SHD: variants seen among roughly 807,000 people sequenced by gnomAD.
SHD encodes the protein SH2 domain-containing adapter protein D.
A neutral mutation model predicts 31.2 loss-of-function variants in SHD; 29 were observed. The ratio of observed to expected loss-of-function variants is 0.93; its 90% CI spans 0.69 to 1.27. The LOEUF (loss-of-function observed/expected upper bound fraction) is 1.27, where lower values mean the gene tolerates loss of function less well. Among genes scored for constraint, SHD ranks in the 50% most tolerant of loss-of-function variants. The pLI is 0.00. For synonymous variants in SHD, 208 were observed against 187.8 expected (o/e 1.11, Z -0.88); for missense variants, 520 against 453.8 (o/e 1.15, Z -1.33).
rs754703540 is a variant in SHD at position 4,280,165 on chromosome 19, CCG to C, written c.108_109del (p.Gln37GlufsTer10). On this transcript the variant is annotated frameshift_variant, in exon 1 of 6. Transcript: ENST00000543264. LOFTEE classifies it high-confidence loss of function. ...CCGAGAGCGACATCCTGAGGGCCTA[CCG>C]CGCGCAGAAGAACCTGGACTTCGAG... ...YTESDILRAY[R>X]AQKNLDFEDP... 3.1e-6 allele frequency: 5 copies of C among 1,613,934 alleles called. No individual in the cohort carries two copies. In the Admixed American group the frequency reaches 8.3e-5, roughly 27 times the overall value.
At chr19:4,286,036 C>T (rs1329447009) in intron 4 of SHD, among the ~76,000 whole-genome samples, 1 of 151,166 alleles carries the variant, frequency 6.6e-6, no homozygotes, top group Non-Finnish European at 1.5e-5. Flanking sequence ...GGAATACAGG[C>T]TCCTGGCACC....
At chr19:4,286,338 T>C (rs1377929242) in intron 4 of SHD, among the ~76,000 whole-genome samples, 10 of 143,642 alleles carry the variant, frequency 7.0e-5, no homozygotes, top group South Asian at 6.7e-4. Flanking sequence ...CTTCCTTCCT[T>C]TCTTTCTCTC....
intron 5 of SHD, among the ~76,000 whole-genome samples, chr19:4,290,024 C>T (rs963316646): frequency 6.6e-5 from 10 of 151,758 alleles, no homozygotes; most frequent in Admixed American, 4.6e-4. Flanking sequence ...CACAGGCACC[C>T]GCCACCACGC....
intron 4 of SHD, among the ~76,000 whole-genome samples, chr19:4,286,204 TTC>T (rs1472256925): frequency 2.7e-5 from 3 of 112,112 alleles, no homozygotes; most frequent in Admixed American, 1.1e-4. Flanking sequence ...CTCTTTCTTT[TTC>T]TTTCTTTCTT....
At chr19:4,286,392 G>C (rs1971319306) in intron 4 of SHD, among the ~76,000 whole-genome samples, 1 of 147,344 alleles carries the variant, frequency 6.8e-6, no homozygotes, top group African/African-American at 2.5e-5. Context: ...TGTTGCCCAG[G>C]CTGAAGTGCA....
Position 4,283,320 on chromosome 19 carries a change from G to A in SHD, c.592+78G>A, listed in dbSNP as rs575559501. The stretch of plus-strand genomic sequence containing the variant: ...TCATCTGGTCATGTCTCCTGTTTCA[G>A]TTTACAAAGTAGAGTCCAATTACTT... On this transcript the variant is annotated intron_variant, in intron 3 of 5. Coordinates refer to ENST00000543264, the MANE Select transcript of SHD (RefSeq NM_020209.4). 6.9e-4 allele frequency: 995 copies of A among 1,433,726 alleles called. 1 individual carries two copies. The Middle Eastern group carries it at 8.3e-3, about 12-fold the overall frequency. The allele number at this position is 1,433,726 out of a possible 1,614,324, so 88.8% of individuals were successfully genotyped here.
At position 4,284,825 on chromosome 19, in the gene SHD, A is replaced by G; in HGVS notation, c.637A>G (p.Lys213Glu). ...GTGGGAGAGGACTCCAGGCTCAGCC[A>G]AGGAGCTCCGGAGACCTCCGCCCAG... The part of the protein sequence containing the change: ...PEWERTPGSA[K>E]ELRRPPPRSP... The change falls in exon 4 of 6, where the codon AAG becomes GAG. Residue 213 changes from lysine to glutamate, a missense_variant. Transcript: ENST00000543264. 1.2e-6 allele frequency: 2 copies of G among 1,613,234 alleles called. No individual in the cohort carries two copies. Among genetic ancestry groups the G allele is most frequent in the African/African-American group, 1.3e-5 (1 of 74,996 alleles).
In SHD at chr19:4,290,534, C is replaced by T. The variant is rs765442822; in HGVS notation, c.924C>T (p.Ser308=). The T allele has an allele frequency of 1.2e-5, 19 of 1,613,540 alleles. No homozygotes were observed. The highest frequency in any genetic ancestry group is 6.7e-5 in the Admixed American group (4 of 59,972). The part of the protein sequence containing the change: ...VLGQHSGPFP[S]VPELVLHYSS... Reference sequence around the variant, plus strand: ...GCCAACACAGCGGGCCCTTCCCCAGCGTGCCCGAGCTCGTCCTCCACTACA... The same window carrying T: ...GCCAACACAGCGGGCCCTTCCCCAGTGTGCCCGAGCTCGTCCTCCACTACA... The change falls in exon 6 of 6, where the codon AGC becomes AGT. Residue 308 remains serine, a synonymous_variant. Transcript: ENST00000543264.
In SHD at chr19:4,280,347, GC is replaced by G; in HGVS notation, c.288del (p.Glu98ArgfsTer10). Reference sequence around the variant, plus strand: ...GCCAGAGCCAAGGCCCTTCTGGGCGGCCCCGGGGAGGAGGTGCGTGGCTGGG... The same window carrying G: ...GCCAGAGCCAAGGCCCTTCTGGGCGGCCCGGGGAGGAGGTGCGTGGCTGGG... ...DMARAKALLGGPGEELEADTE... is the reference protein window; with the variant it reads ...DMARAKALLGXPGEELEADTE... On this transcript the variant is annotated frameshift_variant, in exon 1 of 6. Coordinates refer to ENST00000543264, the MANE Select transcript of SHD (RefSeq NM_020209.4). LOFTEE classifies it high-confidence loss of function. The G allele has an allele frequency of 6.4e-7, 1 of 1,571,124 alleles. No homozygotes were observed. The highest frequency in any genetic ancestry group is 8.6e-7 in the Non-Finnish European group (1 of 1,157,996).
At chr19:4,281,843 TCTTA>T (rs1434395083) in intron 1 of SHD, among the ~76,000 whole-genome samples, 1 of 152,144 alleles carries the variant, frequency 6.6e-6, no homozygotes, top group Non-Finnish European at 1.5e-5. Context: ...AGACTCGGCC[TCTTA>T]CTTACCAGCT....
At chr19:4,288,388 A>C in intron 5 of SHD, 26 bp downstream of exon 5, 1 of 1,606,368 alleles carries the variant, frequency 6.2e-7, no homozygotes, top group African/African-American at 1.3e-5. Flanking sequence ...CACAGGGACG[A>C]AGGGTCACAG....
intron 5 of SHD, among the ~76,000 whole-genome samples, chr19:4,288,961 C>A (rs955613409): frequency 2.0e-5 from 3 of 151,938 alleles, no homozygotes; most frequent in Non-Finnish European, 4.4e-5. Flanking sequence ...CATGGTGAAA[C>A]CCCTTCTCTC....
chr19:4,288,062 C>T (rs150093752), intron 4 of SHD, 181 bp from the exon 5 acceptor site: 25 of 562,478 alleles, frequency 4.4e-5, no homozygotes, highest in Non-Finnish European at 6.0e-5. Context: ...CCACCACGCC[C>T]GGCTAATTTT....
In SHD at chr19:4,288,360, C is replaced by G. The variant is rs747692791; in HGVS notation, c.834C>G (p.Leu278=). The G allele has an allele frequency of 1.2e-6, 2 of 1,612,356 alleles. No individual in the cohort carries two copies. The highest frequency in any genetic ancestry group is 4.5e-5 in the East Asian group (2 of 44,804). ...ETNPQDCSLS[L]RSSQGFLHLK... The stretch of plus-strand genomic sequence containing the variant: ...ACCCCCAGGACTGCTCCTTGTCTCT[C>G]AGGTGAGAACTCAGCCTCACAGGGA... The change falls in exon 5 of 6, where the codon CTC becomes CTG. Residue 278 remains leucine (L), a splice_region_variant and synonymous_variant. Coordinates refer to ENST00000543264, the MANE Select transcript of SHD (RefSeq NM_020209.4).
chr19:4,286,317 TACC>T (rs1971317337), intron 4 of SHD, among the ~76,000 whole-genome samples: 1 of 130,714 alleles, frequency 7.7e-6, no homozygotes, highest in Non-Finnish European at 1.6e-5. Context: ...CCTTCCTTCC[TACC>T]TTCCTTCCTT....
intron 1 of SHD, among the ~76,000 whole-genome samples, chr19:4,280,904 C>T (rs1971250761): frequency 6.6e-6 from 1 of 151,964 alleles, no homozygotes. Flanking sequence ...TCCGGGTCCT[C>T]CTCCTCCTCC....
chr19:4,289,271 C>T (rs959409085), intron 5 of SHD, among the ~76,000 whole-genome samples: 17 of 150,876 alleles, frequency 1.1e-4, no homozygotes, highest in South Asian at 2.1e-4. Context: ...CCACCACGCC[C>T]GGCTAATTTT....
intron 4 of SHD, among the ~76,000 whole-genome samples, chr19:4,286,182 G>C (rs537055415): frequency 6.6e-6 from 1 of 151,814 alleles, no homozygotes; most frequent in South Asian, 2.1e-4. Flanking sequence ...ATGAGCCACC[G>C]CACCTGGCCC....
chr19:4,285,796 C>T (rs1971302471), intron 4 of SHD, among the ~76,000 whole-genome samples: 1 of 151,630 alleles, frequency 6.6e-6, no homozygotes, highest in Non-Finnish European at 1.5e-5. Flanking sequence ...GATCCATCCA[C>T]CTCGGCCTCC....
Sources: allele counts gnomAD v4.1 joint callset (sites outside exome capture counted in the v4.1 genomes callset), GRCh38; gene constraint gnomAD v4.1.1; transcripts MANE v1.5; gene names NCBI Gene and HGNC (gene_info 2026-07-23, HGNC 2026-07-21).